The following RESP18 variants were observed in gnomAD, a reference collection of about 807,000 sequenced individuals.
RESP18 encodes regulated endocrine-specific protein 18.
In RESP18, 30 loss-of-function variants were observed where a neutral mutation model predicts 30.0. That is an observed-to-expected ratio of 1.00 (90% CI 0.75 to 1.36). The LOEUF is 1.36. RESP18 is among the 40% of genes most tolerant of loss of function. The pLI, the probability that RESP18 is intolerant of heterozygous loss-of-function variation, is 0.00. For synonymous variants in RESP18, 117 were observed against 111.2 expected, an observed-to-expected ratio of 1.05 and a Z score of -0.33; for missense variants, 320 against 284.2, an observed-to-expected ratio of 1.13 and a Z score of -0.91.
Position 219,327,448 on chromosome 2 carries a change from C to T in RESP18, c.*69G>A, listed in dbSNP as rs1418244876. On this transcript the variant is annotated 3_prime_UTR_variant, in exon 7 of 7. Transcript: ENST00000333527. ...CTTTAATGATTCAAATCTGGGTCAT[C>T]CAAGAACTGCTCCTCTGAAGGGCAA... The T allele has an allele frequency of 1.4e-6, 2 of 1,379,444 alleles. No homozygotes were observed. Among genetic ancestry groups the T allele is most frequent in the Non-Finnish European group, 2.0e-6 (2 of 990,600 alleles). The allele number at this position is 1,379,444 out of a possible 1,614,324, so 85.5% of individuals were successfully genotyped here.
Position 219,328,955 on chromosome 2 carries a change from G to A in RESP18, c.609C>T (p.Pro203=). The A allele has an allele frequency of 1.9e-6, 3 of 1,551,070 alleles. No individual in the cohort carries two copies. The change falls in exon 6 of 7, where the codon CCC becomes CCT. Residue 203 remains proline (P), a synonymous_variant. Coordinates refer to ENST00000333527, the MANE Select transcript of RESP18 (RefSeq NM_001007089.4). ...TCTTATAGATAATTTCTTCCTTAGA[G>A]GGTCCCGGCGCCTGCATCATGTCCA...
intron 3 of RESP18, among the ~76,000 whole-genome samples, chr2:219,330,334 G>A (rs1298723154): frequency 1.3e-5 from 2 of 152,140 alleles, no homozygotes; most frequent in Non-Finnish European, 2.9e-5. Flanking sequence ...GTGAGACAGG[G>A]TCAGCCACAT....
Position 219,329,784 on chromosome 2 carries a change from G to C in RESP18, c.338-20C>G, listed in dbSNP as rs1306154806. 6.5e-7 allele frequency: 1 copy of C among 1,547,232 alleles called. No homozygotes were observed. Among genetic ancestry groups the C allele is most frequent in the Non-Finnish European group, 8.7e-7 (1 of 1,143,712 alleles). On this transcript the variant is annotated intron_variant, in intron 3 of 6. Transcript: ENST00000333527. ...ACAGACCTGCAGGATGAAAGGATGGGGGGTGAGTTGACACCTGAGACACTC... is the reference window on the plus strand; with the variant it reads ...ACAGACCTGCAGGATGAAAGGATGGCGGGTGAGTTGACACCTGAGACACTC...
intron 5 of RESP18, 23 bp from the exon 5 acceptor site, chr2:219,329,031 A>G: frequency 6.5e-7 from 1 of 1,529,660 alleles, no homozygotes. Flanking sequence ...GGAAATTAGA[A>G]GTACCTTTGA....
intron 1 of RESP18, 113 bp from the exon 1 acceptor site, chr2:219,332,857 C>T (rs1216205661): frequency 1.1e-6 from 1 of 874,694 alleles, no homozygotes; most frequent in South Asian, 1.8e-5. Flanking sequence ...CCTGACCCGG[C>T]TCCTTTCGGG....
intron 3 of RESP18, 121 bp from the exon 3 acceptor site, chr2:219,329,885 A>G: frequency 2.9e-6 from 3 of 1,035,238 alleles, no homozygotes; most frequent in East Asian, 2.6e-5. Context: ...ATTAAACAAG[A>G]TGATGTATTA....
Position 219,332,739 on chromosome 2 carries a change from C to A in RESP18, c.18-1G>T, listed in dbSNP as rs1952845844. ...TTCCCACCAGCCCGCGACTCCGAAT[C>A]TGTTTAACCCTCCTCGGCAGTTCAG... On this transcript the variant is annotated splice_acceptor_variant, in intron 1 of 6. Coordinates refer to ENST00000333527, the MANE Select transcript of RESP18 (RefSeq NM_001007089.4). LOFTEE classifies it high-confidence loss of function. The A allele has an allele frequency of 2.6e-6, 4 of 1,537,868 alleles. No individual in the cohort carries two copies. The African/African-American group carries it at 5.5e-5, about 21-fold the overall frequency.
chr2:219,327,733 C>T (rs1952788344), intron 6 of RESP18, among the ~76,000 whole-genome samples, 170 bp from the exon 6 acceptor site: 1 of 152,192 alleles, frequency 6.6e-6, no homozygotes, highest in Admixed American at 6.5e-5. Context: ...ACATGTAGCC[C>T]TGTCTCTCCA....
intron 4 of RESP18, 112 bp from the exon 4 acceptor site, chr2:219,329,364 T>A: frequency 6.4e-7 from 1 of 1,551,718 alleles, no homozygotes; most frequent in South Asian, 1.2e-5. Context: ...AGAAGATACG[T>A]GAGTCTCACT....
chr2:219,329,387 T>C (rs946274238), intron 4 of RESP18, 135 bp from the exon 4 acceptor site: 1 of 1,551,132 alleles, frequency 6.4e-7, no homozygotes, highest in African/African-American at 1.4e-5. Context: ...GGAATAGGAG[T>C]TGAAGTTTCT....
chr2:219,330,352 A>G (rs773523558), intron 3 of RESP18, among the ~76,000 whole-genome samples: 2 of 152,082 alleles, frequency 1.3e-5, no homozygotes, highest in East Asian at 1.9e-4. Flanking sequence ...CATGTTGCCA[A>G]TGGACTCTCC....
At chr2:219,332,895 C>T (rs959670496) in intron 1 of RESP18, among the ~76,000 whole-genome samples, 151 bp from the exon 1 acceptor site, 1 of 152,160 alleles carries the variant, frequency 6.6e-6, no homozygotes, top group Non-Finnish European at 1.5e-5. Context: ...GAACCACCGC[C>T]TGTACTCCCA....
At position 219,328,997 on chromosome 2, in the gene RESP18, C is replaced by A. The variant is rs753838517; in HGVS notation, c.567G>T (p.Arg189Ser). 1.7e-5 allele frequency: 27 copies of A among 1,550,284 alleles called. No individual in the cohort carries two copies. The highest frequency in any genetic ancestry group is 2.4e-5 in the Non-Finnish European group (27 of 1,145,722). Residue 189 changes from arginine (R) to serine (S), a missense_variant, in exon 6 of 7, where the codon AGG becomes AGT. Coordinates refer to ENST00000333527, the MANE Select transcript of RESP18 (RefSeq NM_001007089.4). ...TCATGTCCAGCCCCCCATATGAACACCTATAGGTAATCTGAGAGATACAGG... is the reference window on the plus strand; with the variant it reads ...TCATGTCCAGCCCCCCATATGAACAACTATAGGTAATCTGAGAGATACAGG...
rs866474658 is a variant in RESP18 at position 219,332,503 on chromosome 2, C to A, written c.232+21G>T. ...GATCGCTTTCTTGGCCCTGCCCGCA[C>A]CCCCCAGGGTTCCTCCTGACCGTGG... On this transcript the variant is annotated intron_variant, in intron 2 of 6. Transcript: ENST00000333527. The A allele has an allele frequency of 3.3e-6, 5 of 1,530,810 alleles. No homozygotes were observed. The African/African-American group carries it at 4.1e-5, about 13-fold the overall frequency. 94.8% of individuals were successfully genotyped at this position (1,530,810 alleles called of 1,614,324 possible).
Position 219,327,603 on chromosome 2 carries a change from G to T in RESP18, c.641-40C>A, listed in dbSNP as rs377653594. ...AACAAGGGAGCTAGAGTCAGGATGT[G>T]AGACAGTGGCTCCTCCCTCATCTGC... On this transcript the variant is annotated intron_variant, in intron 6 of 6. Transcript: ENST00000333527. 3.3e-6 allele frequency: 5 copies of T among 1,516,824 alleles called. No homozygotes were observed. The African/African-American group carries it at 5.5e-5, about 17-fold the overall frequency. The allele number at this position is 1,516,824 out of a possible 1,614,324, so 94.0% of individuals were successfully genotyped here. A position where few individuals can be genotyped will look rare whatever the true frequency, so the allele number is the denominator to read the frequency against.
At chr2:219,330,718 C>T in intron 3 of RESP18, 53 bp downstream of exon 2, 5 of 1,186,456 alleles carry the variant, frequency 4.2e-6, no homozygotes, top group Non-Finnish European at 6.0e-6. Context: ...CCCCTCTTCC[C>T]CCCTCCCCAT....
At chr2:219,332,176 C>G (rs111958044) in intron 2 of RESP18, among the ~76,000 whole-genome samples, 47 of 152,272 alleles carry the variant, frequency 3.1e-4, no homozygotes, top group African/African-American at 1.1e-3. Flanking sequence ...TCCCTGGAGC[C>G]AAGACCCCGA....
intron 1 of RESP18, chr2:219,333,113 A>G (rs765502512): frequency 3.1e-5 from 38 of 1,245,522 alleles, no homozygotes; most frequent in Non-Finnish European, 3.8e-5. Flanking sequence ...ATATATATAT[A>G]TAATATTATA....
intron 6 of RESP18, among the ~76,000 whole-genome samples, chr2:219,328,451 A>C (rs1314056994): frequency 2.0e-5 from 3 of 151,996 alleles, no homozygotes; most frequent in Admixed American, 6.5e-5. Context: ...AAAAAAAAAA[A>C]ACCTCTTTTT....
Sources: gnomAD v4.1 joint callset for allele counts (sites outside exome capture counted in the v4.1 genomes callset) on GRCh38, gnomAD v4.1.1 for gene constraint, MANE v1.5 for transcripts, NCBI Gene and HGNC (gene_info 2026-07-23, HGNC 2026-07-21) for gene names.